Variants in GDAP1 observed in about 807,000 individuals in gnomAD.
The protein encoded by GDAP1 is ganglioside induced differentiation associated protein 1.
A neutral mutation model predicts 40.1 loss-of-function variants in GDAP1; 34 were observed. That is an observed-to-expected ratio of 0.85 (90% CI 0.64 to 1.13). The LOEUF (loss-of-function observed/expected upper bound fraction) is 1.13. GDAP1 is among the 50% of genes most tolerant of loss of function. GDAP1 has a pLI of 0.00. For missense variants in GDAP1, 374 were observed against 433.7 expected (o/e 0.86, Z 1.22); for synonymous variants, 170 against 157.4 (o/e 1.08, Z -0.60).
intron 2 of GDAP1, among the ~76,000 whole-genome samples, chr8:74,418,746 A>C (rs1805818820): frequency 1.3e-5 from 2 of 152,328 alleles, no homozygotes; most frequent in African/African-American, 4.8e-5. Flanking sequence ...GGAAAAGACA[A>C]AATACAGACT....
intron 2 of GDAP1, among the ~76,000 whole-genome samples, chr8:74,466,569 T>C (rs1320565644): frequency 6.6e-6 from 1 of 152,148 alleles, no homozygotes; most frequent in Non-Finnish European, 1.5e-5. Context: ...CGCTGATAGA[T>C]TGGATTACAG....
rs1281046058 is a variant in GDAP1, at chr8:74,361,931, A to C, written c.532A>C (p.Asn178His). The C allele has an allele frequency of 6.2e-7, 1 of 1,610,868 alleles. No individual in the cohort carries two copies. The highest frequency in any genetic ancestry group is 1.1e-5 in the South Asian group (1 of 91,026). The change falls in exon 4 of 6, where the codon AAC (asparagine) becomes CAC (histidine). Residue 178 changes from asparagine (N) to histidine (H), a missense_variant. By Grantham distance (68) the Asn-to-His change is moderately conservative. Transcript: ENST00000220822. Reference protein sequence around the residue: ...ESELKKLAEENPDLQEAYIAK... With the variant: ...ESELKKLAEEHPDLQEAYIAK... ...TGAGCTGAAGAAACTTGCTGAAGAA[A>C]ACCCAGATTTACAAGAAGCATACAT...
chr8:74,387,961 A>G (rs886437907), intron 2 of GDAP1, among the ~76,000 whole-genome samples: 1 of 151,776 alleles, frequency 6.6e-6, no homozygotes, highest in East Asian at 1.9e-4. Flanking sequence ...TTTTTAGTTT[A>G]TTTGCATAGT....
intron 1 of GDAP1, 125 bp from the exon 2 acceptor site, chr8:74,351,149 G>C (rs1411293343): frequency 7.5e-6 from 6 of 797,332 alleles, no homozygotes; most frequent in Non-Finnish European, 1.1e-5. Flanking sequence ...AATAGGAATT[G>C]TTAAAACGAC....
intron 2 of GDAP1, among the ~76,000 whole-genome samples, chr8:74,406,051 C>T (rs1237841999): frequency 1.3e-5 from 2 of 150,222 alleles, no homozygotes; most frequent in South Asian, 2.1e-4. Flanking sequence ...GCTTTTAAAC[C>T]ATTTTAATGT....
chr8:74,403,307 G>T (rs1187813112), intron 2 of GDAP1, among the ~76,000 whole-genome samples: 9 of 150,010 alleles, frequency 6.0e-5, no homozygotes, highest in Non-Finnish European at 1.0e-4. Flanking sequence ...GCATTTTATT[G>T]TTTTATTTGA....
At position 74,453,180 on chromosome 8, in the gene GDAP1, C is replaced by T. The variant is rs1164345242; in HGVS notation, c.166-35498C>T. Among the ~76,000 whole-genome samples the T allele has an allele frequency of 3.6e-5, 3 of 83,384 alleles. 1 individual carries two copies. Among genetic ancestry groups the T allele is most frequent in the Admixed American group, 1.2e-4 (1 of 8,212 alleles). 54.7% of individuals were successfully genotyped at this position (83,384 alleles called of 152,430 possible). The stretch of plus-strand genomic sequence containing the variant: ...TACCTTTAGTGAGCAGCAGCTATAA[C>T]GTAGTGTTAATTTCAGGGGCAAACA... On this transcript the variant is annotated intron_variant, in intron 2 of 2. Coordinates refer to the GDAP1 transcript ENST00000523640.
chr8:74,443,687 G>A (rs1282935496), intron 2 of GDAP1, among the ~76,000 whole-genome samples: 3 of 152,102 alleles, frequency 2.0e-5, no homozygotes, highest in Non-Finnish European at 2.9e-5. Context: ...TCCAGAACCC[G>A]CTGATCCAGC....
chr8:74,371,703 C>T (rs1809754244), downstream of GDAP1, among the ~76,000 whole-genome samples: 2 of 151,612 alleles, frequency 1.3e-5, no homozygotes, highest in South Asian at 2.1e-4. Flanking sequence ...AATAAAAATA[C>T]ACTTCAGAAT....
In GDAP1 at chr8:74,366,722, A is replaced by G. The variant is rs780146450; in HGVS notation, c.*2355A>G. The stretch of plus-strand genomic sequence containing the variant: ...TTGAATCCATTTTCCATAATTGCGG[A>G]TAGTCATAAATTGCTTGCTCAATTT... On this transcript the variant is annotated 3_prime_UTR_variant, in exon 6 of 6. Coordinates refer to ENST00000220822, the MANE Select transcript of GDAP1 (RefSeq NM_018972.4). 4.6e-5 allele frequency: 21 copies of G among 452,456 alleles called. No homozygotes were observed. The highest frequency in any genetic ancestry group is 8.4e-5 in the Non-Finnish European group (19 of 226,352). 28.0% of individuals were successfully genotyped at this position (452,456 alleles called of 1,614,324 possible).
chr8:74,482,143 C>T (rs1339364061), intron 2 of GDAP1, among the ~76,000 whole-genome samples: 1 of 149,444 alleles, frequency 6.7e-6, no homozygotes, highest in Non-Finnish European at 1.5e-5. Context: ...CATCTTTCTT[C>T]CAGGATCAAG....
intron 2 of GDAP1, among the ~76,000 whole-genome samples, chr8:74,442,283 C>T (rs1240016774): frequency 6.6e-6 from 1 of 152,212 alleles, no homozygotes; most frequent in African/African-American, 2.4e-5. Context: ...TACTTCCAGG[C>T]TTCCCAGAGG....
At chr8:74,380,943 C>T (rs1226788464) in intron 2 of GDAP1, among the ~76,000 whole-genome samples, 1 of 152,040 alleles carries the variant, frequency 6.6e-6, no homozygotes, top group East Asian at 1.9e-4. Flanking sequence ...TATTCCTAAT[C>T]CTGTTTAACT....
At chr8:74,456,064 C>T (rs1806332742) in intron 2 of GDAP1, among the ~76,000 whole-genome samples, 3 of 151,900 alleles carry the variant, frequency 2.0e-5, no homozygotes, top group Admixed American at 2.0e-4. Context: ...AATTTCATCC[C>T]TACGATCAAT....
chr8:74,400,737 G>A (rs1224475651), intron 2 of GDAP1, among the ~76,000 whole-genome samples: 3 of 149,310 alleles, frequency 2.0e-5, no homozygotes, highest in Non-Finnish European at 4.4e-5. Context: ...AGCTCTTTTA[G>A]GGCAGGCCTG....
chr8:74,354,207 T>G (rs1221980506), intron 2 of GDAP1, among the ~76,000 whole-genome samples: 1 of 152,214 alleles, frequency 6.6e-6, no homozygotes. Context: ...TTATACTTTA[T>G]TTTAAATGTT....
At chr8:74,389,370 A>C (rs1032287202) in intron 2 of GDAP1, among the ~76,000 whole-genome samples, 1 of 152,118 alleles carries the variant, frequency 6.6e-6, no homozygotes, top group Non-Finnish European at 1.5e-5. Flanking sequence ...AGGCAGGCCT[A>C]GTGGTGTCAA....
chr8:74,487,447 C>T (rs1200119716), intron 2 of GDAP1, among the ~76,000 whole-genome samples: 1 of 152,110 alleles, frequency 6.6e-6, no homozygotes, highest in Non-Finnish European at 1.5e-5. Context: ...TTTGTCCAAG[C>T]TGGCAAATGT....
At position 74,406,637 on chromosome 8, in the gene GDAP1, C is replaced by T. The variant is rs1460988390; in HGVS notation, c.165+55316C>T. Among the ~76,000 whole-genome samples, 10 of 149,888 alleles carry T rather than the reference C, an allele frequency of 6.7e-5. 2 individuals are homozygous for T. The highest frequency in any genetic ancestry group is 2.3e-4 in the African/African-American group (9 of 39,280). ...CAATTATTATTGCTTAATTTGAGAC[C>T]AACTGATGGGGGATATCATGTTGTC... On this transcript the variant is annotated intron_variant, in intron 2 of 2. Transcript: ENST00000523640.
Sources: allele counts gnomAD v4.1 joint callset (sites outside exome capture counted in the v4.1 genomes callset), GRCh38; gene constraint gnomAD v4.1.1; transcripts MANE v1.5; gene names NCBI Gene and HGNC (gene_info 2026-07-23, HGNC 2026-07-21).